Variants in VPS53 observed in about 807,000 individuals in gnomAD.
VPS53 encodes the protein vacuolar protein sorting-associated protein 53 homolog.
Under a neutral mutation model 107.0 loss-of-function variants are expected in VPS53, and 70 were observed. That is an observed-to-expected ratio of 0.65 (90% CI 0.54 to 0.80). VPS53 has a LOEUF of 0.80. Ranked by LOEUF, VPS53 falls within the 30% of genes least tolerant of loss-of-function variation. VPS53 has a pLI of 0.00. For synonymous variants in VPS53, 409 were observed against 393.3 expected (o/e 1.04, Z -0.47); for missense variants, 917 against 1,049.4 (o/e 0.87, Z 1.74).
Position 697,411 on chromosome 17 carries a change from T to G in VPS53, c.285+7A>C, listed in dbSNP as rs1287101293. On this transcript the variant is annotated splice_region_variant and intron_variant, in intron 4 of 21. Coordinates refer to ENST00000437048, the MANE Select transcript of VPS53 (RefSeq NM_001128159.3). ...GCATAGGTAATATGGAGGAATGAGT[T>G]ACTTACTTGCCGTCCATCCTGCCCC... 1.2e-6 allele frequency: 2 copies of G among 1,612,394 alleles called. No homozygotes were observed. The highest frequency in any genetic ancestry group is 1.3e-5 in the African/African-American group (1 of 74,890).
At chr17:576,150 A>G (rs542901504) in intron 13 of VPS53, among the ~76,000 whole-genome samples, 16 of 147,834 alleles carry the variant, frequency 1.1e-4, no homozygotes, top group African/African-American at 3.2e-4. Flanking sequence ...TGAGTTTCCA[A>G]AGAACCTCCC....
At chr17:579,747 T>TCAGTGC (rs1966888516) in intron 13 of VPS53, among the ~76,000 whole-genome samples, 5 of 147,024 alleles carry the variant, frequency 3.4e-5, no homozygotes, top group Admixed American at 6.7e-5. Context: ...CCTCAGAACC[T>TCAGTGC]AATTCCTTCC....
At chr17:563,122 T>A (rs969684034) in intron 13 of VPS53, among the ~76,000 whole-genome samples, 2 of 152,286 alleles carry the variant, frequency 1.3e-5, no homozygotes, top group East Asian at 1.9e-4. Context: ...GAGCTGAGCC[T>A]AGACTCCAAT....
chr17:529,883 A>G (rs1057364964), intron 19 of VPS53, among the ~76,000 whole-genome samples: 5 of 151,688 alleles, frequency 3.3e-5, no homozygotes, highest in African/African-American at 9.7e-5. Flanking sequence ...AAAAAAAAAA[A>G]AGAGCCAGCC....
At chr17:681,930 T>C (rs331016) in intron 4 of VPS53, among the ~76,000 whole-genome samples, 150,936 of 152,348 alleles carry the variant, frequency 0.99, 74,791 homozygotes, top group Middle Eastern at 1. Flanking sequence ...GGCCCTGCTT[T>C]TAAATCCTGT....
In VPS53 at chr17:537,098, C is replaced by T. The variant is rs776271570; in HGVS notation, c.1945G>A (p.Val649Ile). The change falls in exon 18 of 22, where the codon GTC becomes ATC. Residue 649 changes from valine (V) to isoleucine (I), a missense_variant. Val to Ile is a conservative substitution (Grantham distance 29, BLOSUM62 3). Coordinates refer to ENST00000437048, the MANE Select transcript of VPS53 (RefSeq NM_001128159.3). Reference protein sequence around the residue: ...TSVILHIKQNVPIIRDNLAST... With the variant: ...TSVILHIKQNIPIIRDNLAST... ...GCCAGGTTGTCACGGATGATGGGGA[C>T]GTTCTGCTTGATGTGCAGAATGACA... is the stretch of plus-strand genomic sequence containing the variant. The T allele has an allele frequency of 1.2e-5, 20 of 1,614,014 alleles. No homozygotes were observed. The highest frequency in any genetic ancestry group is 8.3e-5 in the Admixed American group (5 of 59,996).
intron 7 of VPS53, among the ~76,000 whole-genome samples, chr17:635,442 TTAAG>T (rs1970157020): frequency 6.6e-6 from 1 of 152,216 alleles, no homozygotes; most frequent in Non-Finnish European, 1.5e-5. Flanking sequence ...TGCCATTGCT[TTAAG>T]TGTTTTAGAC....
At chr17:697,339 G>T in intron 4 of VPS53, 79 bp downstream of exon 4, 2 of 1,176,066 alleles carry the variant, frequency 1.7e-6, no homozygotes, top group Non-Finnish European at 2.6e-6. Flanking sequence ...TCTGCAAGAG[G>T]GCACATCGAC....
intron 15 of VPS53, among the ~76,000 whole-genome samples, chr17:557,793 A>G (rs1912566797): frequency 6.6e-6 from 1 of 152,174 alleles, no homozygotes; most frequent in Non-Finnish European, 1.5e-5. Context: ...AGTCTGTTCT[A>G]GAAAACTAAT....
intron 13 of VPS53, among the ~76,000 whole-genome samples, chr17:567,599 C>T (rs1335948438): frequency 2.6e-5 from 4 of 151,788 alleles, no homozygotes; most frequent in Non-Finnish European, 5.9e-5. Flanking sequence ...CTCCCAGGCT[C>T]AAGCAATTCT....
At chr17:679,975 C>A (rs1972325531) in intron 4 of VPS53, among the ~76,000 whole-genome samples, 1 of 152,004 alleles carries the variant, frequency 6.6e-6, no homozygotes, top group Admixed American at 6.6e-5. Context: ...TGGTGAAACC[C>A]CGTCTCTACT....
intron 5 of VPS53, among the ~76,000 whole-genome samples, chr17:659,871 C>T (rs1407643504): frequency 1.3e-5 from 2 of 152,178 alleles, no homozygotes; most frequent in Non-Finnish European, 2.9e-5. Flanking sequence ...CCCAGGATCT[C>T]CCGTCACTCC....
At chr17:680,354 A>T (rs1297979154) in intron 4 of VPS53, among the ~76,000 whole-genome samples, 1 of 152,204 alleles carries the variant, frequency 6.6e-6, no homozygotes, top group Non-Finnish European at 1.5e-5. Context: ...GATAACCAAA[A>T]AGAAGAAAAT....
At chr17:708,376 T>A (rs893826603) in intron 2 of VPS53, among the ~76,000 whole-genome samples, 28 of 152,218 alleles carry the variant, frequency 1.8e-4, no homozygotes, top group African/African-American at 6.3e-4. Flanking sequence ...GACGTCAGCA[T>A]TTTTTCTTTG....
intron 5 of VPS53, chr17:657,422 A>T: frequency 1.2e-6 from 1 of 864,004 alleles, no homozygotes; most frequent in Non-Finnish European, 2.0e-6. Context: ...TGATGAGGGG[A>T]AGACACTCTC....
chr17:599,238 T>A (rs1464296624), intron 12 of VPS53, among the ~76,000 whole-genome samples: 1 of 151,218 alleles, frequency 6.6e-6, no homozygotes, highest in Non-Finnish European at 1.5e-5. Context: ...GCCACCACCC[T>A]GTCTGGGAGG....
chr17:680,884 C>T (rs148073240), intron 4 of VPS53, among the ~76,000 whole-genome samples: 97 of 152,282 alleles, frequency 6.4e-4, no homozygotes, highest in African/African-American at 2.2e-3. Context: ...AAGAGCATTT[C>T]TAAAACTTTT....
intron 4 of VPS53, among the ~76,000 whole-genome samples, chr17:672,152 A>ACACACACAC (rs1555578480): frequency 1.7e-5 from 2 of 118,884 alleles, no homozygotes; most frequent in Non-Finnish European, 3.6e-5. Context: ...ACACACACAC[A>ACACACACAC]ATCTCTCTCT....
intron 11 of VPS53, among the ~76,000 whole-genome samples, chr17:618,228 G>T (rs1400086565): frequency 1.1e-5 from 1 of 87,188 alleles, no homozygotes; most frequent in South Asian, 5.3e-4. Flanking sequence ...ATATTTCCCG[G>T]GTAGCTGGGA....
Sources: allele counts gnomAD v4.1 joint callset (sites outside exome capture counted in the v4.1 genomes callset), GRCh38; gene constraint gnomAD v4.1.1; transcripts MANE v1.5; gene names NCBI Gene and HGNC (gene_info 2026-07-23, HGNC 2026-07-21).